UNC13C: variants seen among roughly 807,000 people sequenced by gnomAD.
The protein encoded by UNC13C is protein unc-13 homolog C.
UNC13C carries 174 observed loss-of-function variants against 245.4 expected under a neutral mutation model. That is an observed-to-expected ratio of 0.71 (90% CI 0.63 to 0.80). The LOEUF (loss-of-function observed/expected upper bound fraction) is 0.80. Among genes scored for constraint, UNC13C ranks in the 30% least tolerant of loss-of-function variants. The pLI, the probability that UNC13C is intolerant of heterozygous loss-of-function variation, is 0.00. For missense variants in UNC13C, 2,829 were observed against 2,602.9 expected, an observed-to-expected ratio of 1.09 and a Z score of -1.89; for synonymous variants, 992 against 895.1, an observed-to-expected ratio of 1.11 and a Z score of -1.93.
chr15:54,203,260 A>G (rs930450914), intron 4 of UNC13C, among the ~76,000 whole-genome samples: 3 of 151,756 alleles, frequency 2.0e-5, no homozygotes, highest in African/African-American at 4.8e-5. Context: ...ACTATGGAAA[A>G]CAGTGTGAAG....
At chr15:54,454,089 A>G (rs1246474552) in intron 19 of UNC13C, among the ~76,000 whole-genome samples, 2 of 151,702 alleles carry the variant, frequency 1.3e-5, no homozygotes, top group Admixed American at 6.6e-5. Context: ...TGTAACATGT[A>G]TTGGTACTTT....
At chr15:54,434,923 A>G (rs1315290453) in intron 19 of UNC13C, among the ~76,000 whole-genome samples, 1 of 152,164 alleles carries the variant, frequency 6.6e-6, no homozygotes, top group Non-Finnish European at 1.5e-5. Context: ...GGCAATGGAT[A>G]TGAACAGATA....
chr15:54,131,952 C>T (rs894425510), intron 2 of UNC13C, among the ~76,000 whole-genome samples: 11 of 152,156 alleles, frequency 7.2e-5, no homozygotes, highest in Non-Finnish European at 1.5e-5. Context: ...CTTCCCAAAC[C>T]CAATGTTCTC....
intron 4 of UNC13C, among the ~76,000 whole-genome samples, chr15:54,204,306 G>GGA (rs2034638142): frequency 8.0e-6 from 1 of 124,870 alleles, no homozygotes; most frequent in Non-Finnish European, 1.6e-5. Context: ...ATTAAAAATT[G>GGA]AAAAAAAAAA....
At chr15:54,222,672 A>G (rs945070589) in intron 4 of UNC13C, among the ~76,000 whole-genome samples, 1 of 151,898 alleles carries the variant, frequency 6.6e-6, no homozygotes, top group Non-Finnish European at 1.5e-5. Flanking sequence ...CTCCAAACTG[A>G]TCTCCATAGT....
intron 2 of UNC13C, among the ~76,000 whole-genome samples, chr15:54,066,025 G>A (rs2141088226): frequency 6.6e-6 from 1 of 152,262 alleles, no homozygotes; most frequent in East Asian, 1.9e-4. Context: ...AAATTCTGAA[G>A]ATCCAAATTA....
intron 10 of UNC13C, among the ~76,000 whole-genome samples, chr15:54,290,812 A>G (rs894562537): frequency 5.3e-5 from 8 of 152,182 alleles, no homozygotes; most frequent in Non-Finnish European, 1.0e-4. Context: ...ATGTTTACCA[A>G]TCTTTATTAT....
intron 2 of UNC13C, among the ~76,000 whole-genome samples, chr15:54,061,093 T>A (rs549452413): frequency 6.7e-6 from 1 of 149,824 alleles, no homozygotes; most frequent in Non-Finnish European, 1.5e-5. Context: ...GTTGTGCACA[T>A]GTACCCTAAA....
chr15:54,007,084 C>T (rs184662841), intron 1 of UNC13C, among the ~76,000 whole-genome samples: 1 of 152,134 alleles, frequency 6.6e-6, no homozygotes, highest in African/African-American at 2.4e-5. Flanking sequence ...TTATGTATCA[C>T]CCTTTTATGT....
intron 25 of UNC13C, among the ~76,000 whole-genome samples, chr15:54,526,764 A>G (rs967382011): frequency 6.7e-6 from 1 of 148,744 alleles, no homozygotes; most frequent in Non-Finnish European, 1.5e-5. Flanking sequence ...AAAAAAAAAA[A>G]GATTGCTCTC....
At chr15:54,280,506 G>A (rs1163790153) in intron 10 of UNC13C, among the ~76,000 whole-genome samples, 1 of 151,104 alleles carries the variant, frequency 6.6e-6, no homozygotes, top group Non-Finnish European at 1.5e-5. Flanking sequence ...ACTGGATACA[G>A]CTATCACAAT....
In UNC13C at chr15:54,406,303, C is replaced by T. The variant is rs955041247; in HGVS notation, c.4848-8679C>T. 7.5e-4 allele frequency among the ~76,000 whole-genome samples: 114 copies of T among 152,258 alleles called. 1 individual carries two copies. The highest frequency in any genetic ancestry group is 3.9e-3 in the Admixed American group (59 of 15,288). On this transcript the variant is annotated intron_variant, in intron 18 of 32. Transcript: ENST00000260323. ...TTCCTTTTGACATCCCTGTCTTCAA[C>T]GATAAGGATGCTTCTTTCTTTCCTT...
At chr15:54,467,077 A>G (rs894449987) in intron 19 of UNC13C, among the ~76,000 whole-genome samples, 1 of 151,816 alleles carries the variant, frequency 6.6e-6, no homozygotes, top group African/African-American at 2.4e-5. Context: ...CCTACACTGG[A>G]GTTTCTAAAT....
At chr15:53,872,707 A>G in the UNC13C span, among the ~76,000 whole-genome samples, 6 of 152,172 alleles carry the variant, frequency 3.9e-5, no homozygotes, top group African/African-American at 1.2e-4. Flanking sequence ...CTGGCCCCAA[A>G]TCTTCAATGT....
chr15:54,314,578 T>C (rs2140968519), intron 13 of UNC13C, among the ~76,000 whole-genome samples: 1 of 151,736 alleles, frequency 6.6e-6, no homozygotes. Flanking sequence ...GCTCTGTGAC[T>C]TTAAAGAAAA....
chr15:54,449,141 T>G (rs1891009015), intron 19 of UNC13C, among the ~76,000 whole-genome samples: 1 of 152,236 alleles, frequency 6.6e-6, no homozygotes, highest in Non-Finnish European at 1.5e-5. Flanking sequence ...TGCCGAGAGA[T>G]CCACTGTTAG....
intron 13 of UNC13C, among the ~76,000 whole-genome samples, chr15:54,318,707 A>G (rs2038072859): frequency 6.6e-6 from 1 of 151,758 alleles, no homozygotes; most frequent in Admixed American, 6.6e-5. Flanking sequence ...CCTGCAGGTT[A>G]TCTCTTCACT....
chr15:54,309,616 C>T (rs2037815934), intron 13 of UNC13C, among the ~76,000 whole-genome samples: 1 of 151,708 alleles, frequency 6.6e-6, no homozygotes, highest in Non-Finnish European at 1.5e-5. Flanking sequence ...ATGTTTTCTT[C>T]TAGTAGTTTT....
the UNC13C span, among the ~76,000 whole-genome samples, chr15:53,867,540 T>A: frequency 2.0e-5 from 3 of 152,102 alleles, no homozygotes; most frequent in African/African-American, 7.2e-5. Flanking sequence ...CCACTGAAAA[T>A]CAATGTCTTT....
Sources: gnomAD v4.1 joint callset for allele counts (sites outside exome capture counted in the v4.1 genomes callset) on GRCh38, gnomAD v4.1.1 for gene constraint, MANE v1.5 for transcripts, NCBI Gene and HGNC (gene_info 2026-07-23, HGNC 2026-07-21) for gene names.